The following ZNF93 variants were observed in gnomAD, a reference collection of about 807,000 sequenced individuals.
ZNF93 encodes the protein zinc finger protein 93.
A neutral mutation model predicts 45.0 loss-of-function variants in ZNF93; 29 were observed. That is an observed-to-expected ratio of 0.64 (90% CI 0.48 to 0.88). The LOEUF (loss-of-function observed/expected upper bound fraction) is 0.88. Among genes scored for constraint, ZNF93 ranks in the 40% least tolerant of loss-of-function variants. ZNF93 has a pLI of 0.00. For synonymous variants in ZNF93, 223 were observed against 244.6 expected (o/e 0.91, Z 0.82); for missense variants, 578 against 724.0 (o/e 0.80, Z 2.31).
intron 3 of ZNF93, among the ~76,000 whole-genome samples, chr19:19,920,259 A>G (rs2063339241): frequency 6.6e-6 from 1 of 151,986 alleles, no homozygotes; most frequent in Non-Finnish European, 1.5e-5. Context: ...ATGTTTATTG[A>G]TTTGTGTATG....
intron 3 of ZNF93, among the ~76,000 whole-genome samples, chr19:19,917,128 A>G (rs2063326712): frequency 1.3e-5 from 2 of 152,098 alleles, no homozygotes; most frequent in Admixed American, 1.3e-4. Context: ...GTTTTTAAGT[A>G]TAGTTTGCAA....
intron 1 of ZNF93, among the ~76,000 whole-genome samples, chr19:19,903,539 G>A (rs181238595): frequency 4.6e-5 from 7 of 152,030 alleles, no homozygotes; most frequent in Non-Finnish European, 1.0e-4. Flanking sequence ...AGGCCAAGGC[G>A]GACAGGTCAC....
intron 3 of ZNF93, among the ~76,000 whole-genome samples, chr19:19,929,407 CTAT>C (rs1337293416): frequency 2.0e-5 from 3 of 152,108 alleles, no homozygotes; most frequent in African/African-American, 7.2e-5. Context: ...CCTGAATTTT[CTAT>C]TATTGCAAAC....
chr19:19,926,233 C>G (rs1406933757), intron 3 of ZNF93: 1 of 151,160 alleles, frequency 6.6e-6, no homozygotes, highest in East Asian at 1.9e-4. Flanking sequence ...CATGTGTCCC[C>G]ACACCCAGCT....
At chr19:19,901,227 C>A in intron 1 of ZNF93, 136 bp downstream of exon 1, 5 of 1,430,668 alleles carry the variant, frequency 3.5e-6, no homozygotes, top group Non-Finnish European at 4.9e-6. Context: ...AGCTCGGCCT[C>A]GGTTCCCTTC....
intron 2 of ZNF93, 55 bp from the exon 3 acceptor site, chr19:19,916,505 G>C: frequency 7.0e-7 from 1 of 1,423,852 alleles, no homozygotes; most frequent in African/African-American, 1.4e-5. Flanking sequence ...CACATTACTA[G>C]CTTGTAATTG....
At chr19:19,915,179 T>C (rs550300974) in intron 1 of ZNF93, 101 bp from the exon 2 acceptor site, 2 of 1,598,252 alleles carry the variant, frequency 1.3e-6, no homozygotes, top group Admixed American at 3.4e-5. Context: ...GTCAGTCCTA[T>C]AAGTCAGAAC....
intron 1 of ZNF93, among the ~76,000 whole-genome samples, chr19:19,912,309 A>G (rs1364093164): frequency 6.6e-6 from 1 of 152,154 alleles, no homozygotes; most frequent in Non-Finnish European, 1.5e-5. Context: ...ACCCTGCCCC[A>G]GACGTGTTCA....
rs1190473256 is a variant in ZNF93 at position 19,916,587 on chromosome 19, T to C, written c.158T>C (p.Ile53Thr). ...ATTGTTGTCTCTAAGCCAGACCTGA[T>C]CGCCCATCTGGAGCAAGGAAAAAAA... ...LGIVVSKPDL[I>T]AHLEQGKKPL... The change falls in exon 3 of 4, where the codon ATC (isoleucine) becomes ACC (threonine). Residue 53 changes from isoleucine (I) to threonine (T), a missense_variant. Coordinates refer to ENST00000343769, the MANE Select transcript of ZNF93 (RefSeq NM_031218.4). 18 of 1,612,472 alleles carry C rather than the reference T, an allele frequency of 1.1e-5. No homozygotes were observed. The highest frequency in any genetic ancestry group is 2.2e-5 in the East Asian group (1 of 44,846).
intron 3 of ZNF93, among the ~76,000 whole-genome samples, chr19:19,921,927 C>G (rs969472564): frequency 1.3e-5 from 2 of 152,168 alleles, no homozygotes; most frequent in African/African-American, 4.8e-5. Flanking sequence ...TTAATTGGAG[C>G]ATTTAGCCCA....
intron 1 of ZNF93, chr19:19,907,710 T>G (rs1435226933): frequency 2.0e-5 from 3 of 152,180 alleles, no homozygotes; most frequent in East Asian, 3.9e-4. Context: ...GCTAAGCTTT[T>G]GTATTTTTAG....
rs1453810892 is a variant in ZNF93 at position 19,919,955 on chromosome 19, C to G, written c.226+3300C>G. Among the ~76,000 whole-genome samples the G allele has an allele frequency of 2.6e-5, 4 of 152,194 alleles. No homozygotes were observed. In the South Asian group the frequency reaches 8.3e-4, roughly 32 times the overall value. On this transcript the variant is annotated intron_variant, in intron 3 of 3. Transcript: ENST00000343769. ...AATACCCTTTATTTCCTTCTCCTGC[C>G]TGATTGCCCTGGCTGGAACTTCCAA...
chr19:19,917,973 T>G (rs961073600), intron 3 of ZNF93, among the ~76,000 whole-genome samples: 1 of 152,054 alleles, frequency 6.6e-6, no homozygotes, highest in Non-Finnish European at 1.5e-5. Context: ...AATTATACTT[T>G]AAGTCCTAGT....
rs556483611 is a variant in ZNF93, at chr19:19,918,285, A to T, written c.226+1630A>T. Among the ~76,000 whole-genome samples the T allele has an allele frequency of 3.3e-5, 5 of 151,998 alleles. No homozygotes were observed. The East Asian group carries it at 9.7e-4, about 29-fold the overall frequency. On this transcript the variant is annotated intron_variant, in intron 3 of 3. Coordinates refer to ENST00000343769, the MANE Select transcript of ZNF93 (RefSeq NM_031218.4). The stretch of plus-strand genomic sequence containing the variant: ...TCCCTGCAAAGGACATGAACTCATC[A>T]TTTTTTTATGGTTGCATAGTATTCC...
chr19:19,904,388 A>C (rs2063286294), intron 1 of ZNF93, among the ~76,000 whole-genome samples: 1 of 152,184 alleles, frequency 6.6e-6, no homozygotes, highest in African/African-American at 2.4e-5. Flanking sequence ...ACCAGTAAAC[A>C]TAACTACAGT....
At chr19:19,912,532 G>T (rs1423973396) in intron 1 of ZNF93, among the ~76,000 whole-genome samples, 1 of 152,196 alleles carries the variant, frequency 6.6e-6, no homozygotes, top group East Asian at 1.9e-4. Flanking sequence ...ATTAAAACCA[G>T]TGCTTGCAGA....
At chr19:19,916,470 AT>A in intron 2 of ZNF93, 89 bp from the exon 3 acceptor site, 3 of 996,600 alleles carry the variant, frequency 3.0e-6, no homozygotes, top group Non-Finnish European at 4.5e-6. Context: ...TTACTAGAAT[AT>A]TTTATCACAT....
Position 19,934,005 on chromosome 19 carries a change from T to C in ZNF93, c.1050T>C (p.Phe350=). The part of the protein sequence containing the change: ...PYKCNKCGKA[F]IASSTLSRHE... Reference sequence around the variant, plus strand: ...AGTGTAATAAATGTGGCAAAGCCTTTATTGCATCCTCAACCCTTAGTAGAC... The same window carrying C: ...AGTGTAATAAATGTGGCAAAGCCTTCATTGCATCCTCAACCCTTAGTAGAC... Residue 350 remains phenylalanine, a synonymous_variant, in exon 4 of 4, where the codon TTT becomes TTC. Coordinates refer to ENST00000343769, the MANE Select transcript of ZNF93 (RefSeq NM_031218.4). 1 of 1,612,962 alleles carries C rather than the reference T, an allele frequency of 6.2e-7. No homozygotes were observed. The highest frequency in any genetic ancestry group is 8.5e-7 in the Non-Finnish European group (1 of 1,179,564).
chr19:19,918,799 G>A (rs529297492), intron 3 of ZNF93, among the ~76,000 whole-genome samples: 1 of 152,114 alleles, frequency 6.6e-6, no homozygotes, highest in African/African-American at 2.4e-5. Context: ...CGATGGGGTT[G>A]TTTGTTTTTT....
Sources: allele counts gnomAD v4.1 joint callset (sites outside exome capture counted in the v4.1 genomes callset), GRCh38; gene constraint gnomAD v4.1.1; transcripts MANE v1.5; gene names NCBI Gene and HGNC (gene_info 2026-07-23, HGNC 2026-07-21).